Variants in DNMBP observed in about 807,000 individuals in gnomAD.
DNMBP encodes the protein dynamin binding protein.
A neutral mutation model predicts 150.0 loss-of-function variants in DNMBP; 87 were observed. The observed-to-expected ratio is 0.58, with a 90% CI of 0.49 to 0.69. The LOEUF is 0.69. Ranked by LOEUF, DNMBP falls within the 30% of genes least tolerant of loss-of-function variation. The pLI is 0.00. For synonymous variants in DNMBP, 711 were observed against 750.4 expected (o/e 0.95, Z 0.86); for missense variants, 1,774 against 1,949.0 (o/e 0.91, Z 1.69).
intron 1 of DNMBP, among the ~76,000 whole-genome samples, chr10:99,975,114 C>A (rs187311699): frequency 7.9e-5 from 12 of 152,204 alleles, no homozygotes; most frequent in Admixed American, 7.8e-4. Context: ...AATCCCAGCA[C>A]TTTGGGAGGC....
intron 6 of DNMBP, among the ~76,000 whole-genome samples, chr10:99,904,514 C>G (rs191489464): frequency 6.6e-6 from 1 of 152,222 alleles, no homozygotes; most frequent in African/African-American, 2.4e-5. Flanking sequence ...CTTCCCTCAT[C>G]GGATGTTTCA....
chr10:99,904,996 C>T lies in DNMBP; in HGVS notation c.2554+2999G>A, dbSNP rs567980938. On this transcript the variant is annotated intron_variant, in intron 6 of 16. Transcript: ENST00000324109. Reference sequence around the variant, plus strand: ...CCCAGGAACGACAACAGGTAATAAACTGGAAGAAAAATGAGTAACTGCTTA... The same window carrying T: ...CCCAGGAACGACAACAGGTAATAAATTGGAAGAAAAATGAGTAACTGCTTA... Among the ~76,000 whole-genome samples the T allele has an allele frequency of 2.6e-5, 4 of 152,248 alleles. No homozygotes were observed. The East Asian group carries it at 5.8e-4, about 22-fold the overall frequency.
chr10:99,908,587 A>AG (rs2039855345), intron 5 of DNMBP, among the ~76,000 whole-genome samples: 1 of 152,180 alleles, frequency 6.6e-6, no homozygotes, highest in Admixed American at 6.5e-5. Context: ...GATAAACTCT[A>AG]TATGAACAGG....
Position 99,879,804 on chromosome 10 carries a change from C to T in DNMBP, c.4548+7G>A, listed in dbSNP as rs2039334501. On this transcript the variant is annotated splice_region_variant and intron_variant, in intron 16 of 16. Transcript: ENST00000324109. The stretch of plus-strand genomic sequence containing the variant: ...GTGCCACAGTGGCAGGCCTCTTACG[C>T]ACTCACCTGGTTGCCTTCTGCCTCA... 1.9e-6 allele frequency: 3 copies of T among 1,613,482 alleles called. No individual in the cohort carries two copies. Among genetic ancestry groups the T allele is most frequent in the East Asian group, 4.5e-5 (2 of 44,884 alleles).
chr10:99,900,751 C>A (rs2039727281), intron 6 of DNMBP, among the ~76,000 whole-genome samples: 1 of 152,152 alleles, frequency 6.6e-6, no homozygotes, highest in African/African-American at 2.4e-5. Context: ...CTGCCTCAAC[C>A]TCCCAAGTAG....
chr10:99,957,447 G>A, intron 3 of DNMBP: 1 of 560,144 alleles, frequency 1.8e-6, no homozygotes, highest in South Asian at 2.4e-5. Flanking sequence ...GAGAATCTGT[G>A]AGGTCAAAAC....
rs773316075 is a variant in DNMBP, at chr10:99,956,516, T to C, written c.958A>G (p.Ile320Val). ...ALPQEGSLAR[I>V]PETSLDCLEN... ...AAACAATCCAAAGAAGTTTCCGGGA[T>C]CCTGGCAAGGCTGCCTTCCTGGGGC... is the stretch of plus-strand genomic sequence containing the variant. Residue 320 changes from isoleucine (I) to valine (V), a missense_variant, in exon 4 of 17, where the codon ATC becomes GTC. Physicochemically the swap from Ile to Val is conservative, Grantham distance 29. Transcript: ENST00000324109. 6 of 1,614,100 alleles carry C rather than the reference T, an allele frequency of 3.7e-6. No homozygotes were observed. The South Asian group carries it at 5.5e-5, about 15-fold the overall frequency.
intron 15 of DNMBP, among the ~76,000 whole-genome samples, chr10:99,881,819 C>A (rs150932269): frequency 6.6e-6 from 1 of 152,082 alleles, no homozygotes; most frequent in Admixed American, 6.6e-5. Flanking sequence ...CCACAAGATG[C>A]TTTTAAAGAA....
intron 1 of DNMBP, among the ~76,000 whole-genome samples, chr10:100,001,420 T>TG (rs1204564209): frequency 1.4e-5 from 2 of 142,412 alleles, no homozygotes; most frequent in Non-Finnish European, 3.1e-5. Context: ...GTTGTTTTTT[T>TG]TTTTTTTTTG....
chr10:99,932,882 C>T (rs2040176637), intron 4 of DNMBP, among the ~76,000 whole-genome samples: 1 of 151,212 alleles, frequency 6.6e-6, no homozygotes, highest in Non-Finnish European at 1.5e-5. Context: ...CTGGAGATAC[C>T]AATCTAATGG....
chr10:99,953,268 CTT>C (rs775893613), intron 4 of DNMBP, among the ~76,000 whole-genome samples: 2 of 145,700 alleles, frequency 1.4e-5, no homozygotes, highest in Non-Finnish European at 1.5e-5. Flanking sequence ...TAATTTAAAA[CTT>C]TTTTTTTTTT....
chr10:100,004,057 C>T, intron 1 of DNMBP, among the ~76,000 whole-genome samples: 1 of 148,704 alleles, frequency 6.7e-6, no homozygotes, highest in Non-Finnish European at 1.5e-5. Flanking sequence ...CAAAGGGCGT[C>T]CCTATCTCTA....
intron 4 of DNMBP, among the ~76,000 whole-genome samples, chr10:99,935,638 C>T (rs1017095208): frequency 2.5e-4 from 38 of 152,248 alleles, no homozygotes; most frequent in African/African-American, 8.4e-4. Context: ...AACCTCAGCT[C>T]ACTGCAACCT....
intron 1 of DNMBP, among the ~76,000 whole-genome samples, chr10:100,009,155 T>C (rs74152911): frequency 0.012 from 1,878 of 152,374 alleles, 29 homozygotes; most frequent in African/African-American, 0.044. Context: ...AAAGTTGTTT[T>C]TGCACTTAAA....
chr10:99,876,378 T>C lies in DNMBP; in HGVS notation c.*773A>G, dbSNP rs545913901. On this transcript the variant is annotated 3_prime_UTR_variant, in exon 17 of 17. Coordinates refer to ENST00000324109, the MANE Select transcript of DNMBP (RefSeq NM_015221.4). ...GCGTTTAAGACCAGCCTGGGCAACA[T>C]AGCAAGACCCCATCTCAAAAAAAAA... is the stretch of plus-strand genomic sequence containing the variant. 1.1e-4 allele frequency: 16 copies of C among 143,962 alleles called. No homozygotes were observed. Among genetic ancestry groups the C allele is most frequent in the African/African-American group, 4.3e-4 (16 of 36,942 alleles). The allele number at this position is 143,962 out of a possible 1,614,324, so 8.9% of individuals were successfully genotyped here. A position where few individuals can be genotyped will look rare whatever the true frequency, so the allele number is the denominator to read the frequency against.
At chr10:99,954,037 T>G (rs139297405) in intron 4 of DNMBP, among the ~76,000 whole-genome samples, 16 of 151,516 alleles carry the variant, frequency 1.1e-4, no homozygotes, top group Non-Finnish European at 2.2e-4. Flanking sequence ...GGTATGAGAT[T>G]CTTTTTTTTT....
chr10:99,882,912 AAACAGTTAG>A lies in DNMBP; in HGVS notation c.3997+1090_3997+1098del, dbSNP rs2039391986. 3.3e-5 allele frequency among the ~76,000 whole-genome samples: 5 copies of A among 150,070 alleles called. 1 individual carries two copies. The highest frequency in any genetic ancestry group is 2.1e-4 in the South Asian group (1 of 4,804). ...GAAACCCCGTCTCTACAAAAAATACAAACAGTTAGCCAGGTGTGGTGGTGCGTGCTACTT... is the reference window on the plus strand; with the variant it reads ...GAAACCCCGTCTCTACAAAAAATACACCAGGTGTGGTGGTGCGTGCTACTT... On this transcript the variant is annotated intron_variant, in intron 15 of 16. Coordinates refer to ENST00000324109, the MANE Select transcript of DNMBP (RefSeq NM_015221.4).
chr10:99,903,330 TTTTTG>T (rs973629282), intron 6 of DNMBP, among the ~76,000 whole-genome samples: 2 of 151,340 alleles, frequency 1.3e-5, no homozygotes, highest in African/African-American at 2.4e-5. Flanking sequence ...GGCCACTTTT[TTTTTG>T]TTTTGTTTTT....
At position 99,877,313 on chromosome 10, in the gene DNMBP, G is replaced by T. The variant is rs1229405802; in HGVS notation, c.4572C>A (p.Phe1524Leu). The T allele has an allele frequency of 5.0e-6, 8 of 1,613,302 alleles. No individual in the cohort carries two copies. Among genetic ancestry groups the T allele is most frequent in the Non-Finnish European group, 8.5e-7 (1 of 1,179,738 alleles). The change falls in exon 17 of 17, where the codon TTC becomes TTA. Residue 1524 changes from phenylalanine to leucine, a missense_variant. Phe to Leu is a conservative substitution (Grantham distance 22, BLOSUM62 0). Around this residue, in one of 2 missense-constraint regions of DNMBP, gnomAD observed 1,430 missense variants for 1,492.5 expected, o/e 0.96. Transcript: ENST00000324109. The part of the protein sequence containing the change: ...GNQVYFAVYT[F>L]KARNPNELSV... ...TCAGCTCATTTGGGTTTCGTGCCTT[G>T]AAGGTGTAGACAGCAAAATAGACCT...
Sources: allele counts gnomAD v4.1 joint callset (sites outside exome capture counted in the v4.1 genomes callset), GRCh38; gene constraint gnomAD v4.1.1; regional missense constraint gnomAD v4.1.1; transcripts MANE v1.5; gene names NCBI Gene and HGNC (gene_info 2026-07-23, HGNC 2026-07-21).